The following DENND1A variants were observed in gnomAD, a reference collection of about 807,000 sequenced individuals.
The protein encoded by DENND1A is DENN domain-containing protein 1A.
A neutral mutation model predicts 113.7 loss-of-function variants in DENND1A; 51 were observed. The ratio of observed to expected loss-of-function variants is 0.45; its 90% CI spans 0.36 to 0.57. DENND1A has a LOEUF of 0.57. DENND1A is among the 20% of genes least tolerant of loss of function. DENND1A has a pLI of 0.00. For missense variants in DENND1A, 1,258 were observed against 1,395.9 expected, an observed-to-expected ratio of 0.90 and a Z score of 1.57; for synonymous variants, 565 against 570.8, an observed-to-expected ratio of 0.99 and a Z score of 0.14.
intron 13 of DENND1A, among the ~76,000 whole-genome samples, chr9:123,479,269 C>T (rs949458162): frequency 6.6e-6 from 1 of 152,160 alleles, no homozygotes; most frequent in Non-Finnish European, 1.5e-5. Context: ...CAAAAGGTCA[C>T]CAACATGATC....
intron 19 of DENND1A, chr9:123,414,452 C>T (rs1031846282): frequency 2.0e-5 from 30 of 1,481,632 alleles, no homozygotes; most frequent in African/African-American, 1.4e-5. Context: ...AGTGGAAGGC[C>T]GGCATCTCAC....
chr9:123,780,768 T>C (rs1353752134), intron 3 of DENND1A, among the ~76,000 whole-genome samples: 1 of 152,180 alleles, frequency 6.6e-6, no homozygotes, highest in East Asian at 1.9e-4. Context: ...TTAGACTTTA[T>C]TTGGTTCCTC....
chr9:123,400,836 C>T (rs957092705), intron 21 of DENND1A: 1 of 152,158 alleles, frequency 6.6e-6, no homozygotes, highest in African/African-American at 2.4e-5. Context: ...TCGCCTTGGC[C>T]TCCCAAAGTG....
intron 4 of DENND1A, among the ~76,000 whole-genome samples, chr9:123,761,941 A>T (rs1037615734): frequency 2.0e-5 from 3 of 152,216 alleles, no homozygotes; most frequent in African/African-American, 7.2e-5. Flanking sequence ...CAAAGGAACC[A>T]GAGATTTCAG....
At chr9:123,457,309 C>T in intron 15 of DENND1A, 39 bp downstream of exon 15, 1 of 1,503,334 alleles carries the variant, frequency 6.7e-7, no homozygotes, top group South Asian at 1.1e-5. Context: ...TAAATGATAG[C>T]AGCCTGCAGC....
At chr9:123,783,686 C>G (rs979812346) in intron 3 of DENND1A, among the ~76,000 whole-genome samples, 1 of 152,182 alleles carries the variant, frequency 6.6e-6, no homozygotes, top group Admixed American at 6.5e-5. Context: ...CCCTAGCAGT[C>G]TCACTCCAAA....
At chr9:123,669,780 G>A (rs1387899963) in intron 7 of DENND1A, among the ~76,000 whole-genome samples, 2 of 152,178 alleles carry the variant, frequency 1.3e-5, no homozygotes, top group Non-Finnish European at 2.9e-5. Flanking sequence ...GGTCTCCCCT[G>A]CCGTATGAGA....
rs141989437 is a variant in DENND1A at position 123,661,048 on chromosome 9, T to C, written c.507+5978A>G. ...TGGCCCAAGCTGACAAGCATGCGAC[T>C]GAGGTTGAGAAGGAAAGCTTAAAGC... On this transcript the variant is annotated intron_variant, in intron 8 of 23. Transcript: ENST00000394215. Among the ~76,000 whole-genome samples the C allele has an allele frequency of 9.3e-4, 142 of 152,308 alleles. 2 individuals carry two copies. The highest frequency in any genetic ancestry group is 4.1e-3 in the East Asian group (21 of 5,178).
intron 12 of DENND1A, 121 bp downstream of exon 12, chr9:123,583,047 CT>C: frequency 2.9e-6 from 2 of 692,256 alleles, no homozygotes; most frequent in Non-Finnish European, 4.8e-6. Context: ...CAGAAACAAA[CT>C]GCAGTTCTCA....
intron 13 of DENND1A, among the ~76,000 whole-genome samples, chr9:123,539,651 AG>A (rs1284004250): frequency 1.3e-5 from 2 of 152,118 alleles, no homozygotes; most frequent in African/African-American, 4.8e-5. Context: ...TGGGAGGCCG[AG>A]GCAGGTGGAT....
chr9:123,591,579 G>A (rs893920992), intron 11 of DENND1A, among the ~76,000 whole-genome samples: 1 of 152,224 alleles, frequency 6.6e-6, no homozygotes, highest in Non-Finnish European at 1.5e-5. Context: ...GGCCAGCACT[G>A]AGTGAATCTT....
At chr9:123,701,908 CA>C (rs1385187292) in intron 5 of DENND1A, among the ~76,000 whole-genome samples, 3 of 152,170 alleles carry the variant, frequency 2.0e-5, no homozygotes, top group Non-Finnish European at 4.4e-5. Flanking sequence ...AAGGTCAATG[CA>C]TGACTACAAG....
At chr9:123,477,791 C>G (rs183341306) in intron 13 of DENND1A, among the ~76,000 whole-genome samples, 3 of 152,212 alleles carry the variant, frequency 2.0e-5, no homozygotes, top group East Asian at 1.9e-4. Flanking sequence ...GTGCCTCCCC[C>G]CTCCCTCCAG....
intron 12 of DENND1A, among the ~76,000 whole-genome samples, chr9:123,575,709 T>A (rs1428699999): frequency 6.6e-6 from 1 of 152,374 alleles, no homozygotes; most frequent in East Asian, 1.9e-4. Flanking sequence ...CAAGGGGCGA[T>A]TAAGCCCCTT....
intron 17 of DENND1A, among the ~76,000 whole-genome samples, chr9:123,451,109 T>C (rs925282312): frequency 6.6e-6 from 1 of 152,156 alleles, no homozygotes; most frequent in African/African-American, 2.4e-5. Context: ...AGAATATCCA[T>C]TCTATTTCAC....
chr9:123,395,468 C>CTCTCTGTGTGTGTGTGTG (rs367751848), intron 21 of DENND1A, among the ~76,000 whole-genome samples: 6,440 of 142,834 alleles, frequency 0.045, 239 homozygotes, highest in East Asian at 0.14. Context: ...CTCTCTCTCT[C>CTCTCTGTGTGTGTGTGTG]TGTGTGTGTG....
Position 123,422,725 on chromosome 9 carries a change from G to A in DENND1A, c.1489-10896C>T, listed in dbSNP as rs923950464. 5.9e-5 allele frequency among the ~76,000 whole-genome samples: 9 copies of A among 152,180 alleles called. No homozygotes were observed. Among genetic ancestry groups the A allele is most frequent in the Non-Finnish European group, 7.3e-5 (5 of 68,032 alleles). On this transcript the variant is annotated intron_variant, in intron 19 of 23. Coordinates refer to ENST00000394215, the MANE Select transcript of DENND1A (RefSeq NM_001352964.2). This position sits in a 1 kb window ranked among gnomAD's most constrained non-coding sequence, Gnocchi z 4.8. ...GAATATGCGGCTCTCCAATTTGTACGGACTGCACACAGCTCCCTGCAATGT... is the reference window on the plus strand; with the variant it reads ...GAATATGCGGCTCTCCAATTTGTACAGACTGCACACAGCTCCCTGCAATGT...
intron 5 of DENND1A, among the ~76,000 whole-genome samples, chr9:123,703,655 T>C (rs2066009659): frequency 6.6e-6 from 1 of 152,100 alleles, no homozygotes; most frequent in Non-Finnish European, 1.5e-5. Context: ...CATATATAAA[T>C]AACTTGAATG....
In DENND1A at chr9:123,652,378, A is replaced by G. The variant is rs112150267; in HGVS notation, c.508-255T>C. The stretch of plus-strand genomic sequence containing the variant: ...GTGATTACAACATGAGGTCGCATCC[A>G]GCACTTAGGTCAGTTCCTAAAGGTG... On this transcript the variant is annotated intron_variant, in intron 8 of 23. Coordinates refer to ENST00000394215, the MANE Select transcript of DENND1A (RefSeq NM_001352964.2). 5.5e-5 allele frequency: 21 copies of G among 380,902 alleles called. 1 individual carries two copies. The highest frequency in any genetic ancestry group is 3.3e-4 in the African/African-American group (16 of 49,002). 23.6% of individuals were successfully genotyped at this position (380,902 alleles called of 1,614,324 possible). A position where few individuals can be genotyped will look rare whatever the true frequency, so the allele number is the denominator to read the frequency against.
Sources: gnomAD v4.1 joint callset for allele counts (sites outside exome capture counted in the v4.1 genomes callset) on GRCh38, gnomAD v4.1.1 for gene constraint, Gnocchi (gnomAD v3.1) non-coding constraint, MANE v1.5 for transcripts, NCBI Gene and HGNC (gene_info 2026-07-23, HGNC 2026-07-21) for gene names.